PHTF2: variants seen among roughly 807,000 people sequenced by gnomAD.
The protein encoded by PHTF2 is putative homeodomain transcription factor 2, also known as protein PHTF2.
PHTF2 carries 60 observed loss-of-function variants against 101.2 expected under a neutral mutation model. That is an observed-to-expected ratio of 0.59 (90% CI 0.48 to 0.73). The LOEUF (loss-of-function observed/expected upper bound fraction) is 0.73, where lower values mean the gene tolerates loss of function less well. PHTF2 is among the 30% of genes least tolerant of loss of function. PHTF2 has a pLI of 0.00. For synonymous variants in PHTF2, 311 were observed against 307.3 expected (o/e 1.01, Z -0.13); for missense variants, 747 against 908.7 (o/e 0.82, Z 2.29).
chr7:77,800,354 AT>A (rs1311540610), intron 1 of PHTF2, among the ~76,000 whole-genome samples: 1 of 152,150 alleles, frequency 6.6e-6, no homozygotes, highest in Non-Finnish European at 1.5e-5. Flanking sequence ...TCCAGGAAAT[AT>A]TTTTGCCCCA....
chr7:77,802,134 A>G (rs1792609203), intron 1 of PHTF2, among the ~76,000 whole-genome samples: 1 of 152,224 alleles, frequency 6.6e-6, no homozygotes, highest in South Asian at 2.1e-4. Context: ...GAACAGGAAG[A>G]GGCAGAGTCT....
intron 3 of PHTF2, among the ~76,000 whole-genome samples, chr7:77,880,947 T>C (rs1246335921): frequency 6.6e-6 from 1 of 152,168 alleles, no homozygotes; most frequent in Admixed American, 6.5e-5. Context: ...CATAACCTAC[T>C]TGACTGCTTC....
intron 1 of PHTF2, among the ~76,000 whole-genome samples, chr7:77,808,300 T>A (rs1255152660): frequency 6.6e-6 from 1 of 152,196 alleles, no homozygotes; most frequent in African/African-American, 2.4e-5. Flanking sequence ...ATATTAAGTT[T>A]TTCAATCCAT....
chr7:77,828,444 T>G (rs1358605868), intron 1 of PHTF2, among the ~76,000 whole-genome samples: 1 of 152,122 alleles, frequency 6.6e-6, no homozygotes, highest in Admixed American at 6.6e-5. Flanking sequence ...AAAAGTTGCT[T>G]TAAAAGACAT....
intron 12 of PHTF2, among the ~76,000 whole-genome samples, chr7:77,936,296 C>A (rs1805122814): frequency 6.6e-6 from 1 of 152,092 alleles, no homozygotes; most frequent in Non-Finnish European, 1.5e-5. Flanking sequence ...AGAGTAGATT[C>A]TTCTGTTCAT....
chr7:77,808,307 C>A (rs1204407746), intron 1 of PHTF2, among the ~76,000 whole-genome samples: 1 of 152,080 alleles, frequency 6.6e-6, no homozygotes, highest in Non-Finnish European at 1.5e-5. Context: ...GTTTTTCAAT[C>A]CATGAACATG....
At chr7:77,901,387 C>T (rs1041567521) in intron 6 of PHTF2, among the ~76,000 whole-genome samples, 2 of 152,138 alleles carry the variant, frequency 1.3e-5, no homozygotes, top group Non-Finnish European at 2.9e-5. Context: ...CTTTGGGAAG[C>T]TGAAGGCAGA....
intron 5 of PHTF2, among the ~76,000 whole-genome samples, chr7:77,899,340 C>A (rs191228165): frequency 6.6e-6 from 1 of 151,558 alleles, no homozygotes; most frequent in Non-Finnish European, 1.5e-5. Context: ...AGAACATGCA[C>A]GTTGGGTGAC....
intron 2 of PHTF2, among the ~76,000 whole-genome samples, chr7:77,851,802 G>GT (rs1343384541): frequency 2.0e-5 from 3 of 151,940 alleles, no homozygotes; most frequent in Admixed American, 2.0e-4. Context: ...CTGTTAGGTT[G>GT]TTTGAGTTTT....
intron 7 of PHTF2, among the ~76,000 whole-genome samples, chr7:77,903,170 T>C (rs1394164702): frequency 2.0e-5 from 3 of 152,184 alleles, no homozygotes; most frequent in African/African-American, 7.2e-5. Flanking sequence ...CCTACTTCAA[T>C]ATTGGGCAGT....
intron 3 of PHTF2, among the ~76,000 whole-genome samples, chr7:77,871,562 G>A (rs994079167): frequency 2.0e-5 from 3 of 152,176 alleles, no homozygotes; most frequent in African/African-American, 7.2e-5. Flanking sequence ...GGTAAGTGGT[G>A]CTACTTCCAA....
intron 5 of PHTF2, 144 bp from the exon 5 acceptor site, chr7:77,900,567 T>C (rs848450): frequency 0.76 from 475,061 of 629,100 alleles, 180,108 homozygotes; most frequent in East Asian, 0.84. Context: ...AATTGTGTTC[T>C]GTTTGTAACA....
chr7:77,954,620 A>ATATATATATATATG (rs1806843969), intron 19 of PHTF2, among the ~76,000 whole-genome samples: 2 of 117,146 alleles, frequency 1.7e-5, no homozygotes, highest in African/African-American at 5.9e-5. Flanking sequence ...GTGTATATAT[A>ATATATATATATATG]TATATATATA....
In PHTF2 at chr7:77,869,726, A is replaced by G. The variant is rs1798366872; in HGVS notation, c.147+14892A>G. On this transcript the variant is annotated intron_variant, in intron 3 of 19. Transcript: ENST00000416283. ...TCTCTAGATCTCACCAGCATATGTT[A>G]TTTTTTGTCTTTTCAATAGTAGCCA... Among the ~76,000 whole-genome samples the G allele has an allele frequency of 2.0e-5, 3 of 151,910 alleles. No individual in the cohort carries two copies. The South Asian group carries it at 6.2e-4, about 32-fold the overall frequency.
chr7:77,887,400 G>A (rs1799961908), intron 3 of PHTF2, among the ~76,000 whole-genome samples: 1 of 150,414 alleles, frequency 6.6e-6, no homozygotes, highest in Non-Finnish European at 1.5e-5. Flanking sequence ...CTGCTTTCAG[G>A]TTGCTGTTCC....
intron 11 of PHTF2, among the ~76,000 whole-genome samples, chr7:77,927,193 TATACATACACACACAC>T (rs1259870401): frequency 6.4e-5 from 6 of 93,482 alleles, no homozygotes; most frequent in African/African-American, 1.3e-4. Context: ...TATATATATA[TATACATACACACACAC>T]ACACACACAC....
intron 2 of PHTF2, among the ~76,000 whole-genome samples, chr7:77,846,991 G>T (rs73375809): frequency 0.093 from 14,188 of 152,092 alleles, 913 homozygotes; most frequent in South Asian, 0.18. Flanking sequence ...AATAGGCTGA[G>T]GATGTCAGAA....
chr7:77,950,050 G>A (rs1233774428), intron 17 of PHTF2, among the ~76,000 whole-genome samples: 3 of 152,016 alleles, frequency 2.0e-5, no homozygotes, highest in African/African-American at 7.2e-5. Flanking sequence ...ATTTTTATTT[G>A]ACAAGAAGGA....
In PHTF2 at chr7:77,940,761, C is replaced by T; in HGVS notation, c.1872+102C>T. 3 of 770,076 alleles carry T rather than the reference C, an allele frequency of 3.9e-6. No individual in the cohort carries two copies. The South Asian group carries it at 1.0e-4, about 27-fold the overall frequency. 47.7% of individuals were successfully genotyped at this position (770,076 alleles called of 1,614,324 possible). On this transcript the variant is annotated intron_variant, in intron 15 of 19. Coordinates refer to ENST00000416283, the Ensembl canonical transcript of PHTF2. ...TTGTCTCTAGATGTATAGTAACCAG[C>T]TTTTACTCATTCAAAAACTGGATTA...
Sources: gnomAD v4.1 joint callset for allele counts (sites outside exome capture counted in the v4.1 genomes callset) on GRCh38, gnomAD v4.1.1 for gene constraint, MANE v1.5 for transcripts, NCBI Gene and HGNC (gene_info 2026-07-23, HGNC 2026-07-21) for gene names.